NREP: variants seen among roughly 807,000 people sequenced by gnomAD.
NREP encodes neuronal regeneration-related protein.
NREP carries 5 observed loss-of-function variants against 8.6 expected under a neutral mutation model. The ratio of observed to expected loss-of-function variants is 0.58; its 90% CI spans 0.30 to 1.22. The LOEUF (loss-of-function observed/expected upper bound fraction) is 1.22. NREP is among the 50% of genes most tolerant of loss of function. NREP has a pLI of 0.07. For missense variants in NREP, 86 were observed against 82.5 expected, an observed-to-expected ratio of 1.04 and a Z score of -0.17; for synonymous variants, 27 against 28.0, an observed-to-expected ratio of 0.96 and a Z score of 0.11.
chr5:111,930,090 C>T lies in NREP; in HGVS notation c.135+45184G>A, dbSNP rs1581228086. On this transcript the variant is annotated intron_variant, in intron 2 of 3. Transcript: ENST00000395634. ...AATGCTGAAATCACCATGAACTGCT[C>T]TCAGGGTCTCAGGAAAAGGGCGAGG... Among the ~76,000 whole-genome samples, 3 of 152,260 alleles carry T rather than the reference C, an allele frequency of 2.0e-5. No individual in the cohort carries two copies. In the South Asian group the frequency reaches 6.2e-4, roughly 32 times the overall value.
At chr5:111,774,709 C>A (rs889305035) in intron 2 of NREP, among the ~76,000 whole-genome samples, 3 of 152,160 alleles carry the variant, frequency 2.0e-5, no homozygotes, top group Non-Finnish European at 4.4e-5. Context: ...CCGCAAGGAA[C>A]TGAATTCTGC....
upstream of NREP, chr5:111,757,848 G>A: frequency 2.1e-6 from 2 of 973,326 alleles, no homozygotes; most frequent in South Asian, 9.5e-5. Context: ...GCGGTTTGGG[G>A]GCGCGCCAAG....
intron 2 of NREP, among the ~76,000 whole-genome samples, chr5:111,745,267 T>C (rs924830039): frequency 6.6e-6 from 1 of 152,148 alleles, no homozygotes; most frequent in African/African-American, 2.4e-5. Context: ...TGAGGGAGAA[T>C]AGTCAGGGAA....
At chr5:111,934,919 T>G (rs1246808446) in intron 2 of NREP, among the ~76,000 whole-genome samples, 1 of 151,302 alleles carries the variant, frequency 6.6e-6, no homozygotes, top group African/African-American at 2.4e-5. Context: ...GATGCTGCTT[T>G]GCCTATGGGA....
At chr5:111,903,652 G>A (rs1273801991) in intron 2 of NREP, among the ~76,000 whole-genome samples, 1 of 152,022 alleles carries the variant, frequency 6.6e-6, no homozygotes, top group East Asian at 1.9e-4. Flanking sequence ...GATGGTAATT[G>A]TTCCAGAGAC....
intron 2 of NREP, among the ~76,000 whole-genome samples, chr5:111,779,142 C>T (rs1044820687): frequency 3.3e-5 from 5 of 152,022 alleles, no homozygotes; most frequent in Admixed American, 2.6e-4. Context: ...TTCTCCCATC[C>T]CATGTAGAAT....
chr5:111,909,712 T>G (rs1189320876), intron 2 of NREP, among the ~76,000 whole-genome samples: 1 of 152,090 alleles, frequency 6.6e-6, no homozygotes, highest in African/African-American at 2.4e-5. Flanking sequence ...GACATGAAAT[T>G]TATTCCACCT....
chr5:111,908,220 G>C (rs1362923183), intron 2 of NREP, among the ~76,000 whole-genome samples: 1 of 151,820 alleles, frequency 6.6e-6, no homozygotes, highest in African/African-American at 2.4e-5. Context: ...AATGCTAATA[G>C]AATAAAAAAA....
At chr5:111,734,734 C>G in intron 3 of NREP, 1 of 700,114 alleles carries the variant, frequency 1.4e-6, no homozygotes, top group Non-Finnish European at 2.6e-6. Context: ...TTCTGTTTTT[C>G]TTTCTTAACT....
At chr5:111,758,215 GCGTGCACACACACA>G (rs1450492827), upstream of NREP, 1 of 985,526 alleles carries the variant, frequency 1.0e-6, no homozygotes, top group Non-Finnish European at 1.2e-6. Flanking sequence ...CTGTGGCTGC[GCGTGCACACACACA>G]CGTGCACACA....
intron 2 of NREP, among the ~76,000 whole-genome samples, chr5:111,770,463 T>C (rs1028532633): frequency 6.6e-6 from 1 of 152,054 alleles, no homozygotes; most frequent in African/African-American, 2.4e-5. Flanking sequence ...TAGCTCAAGC[T>C]TGATTTAGTA....
intron 2 of NREP, among the ~76,000 whole-genome samples, chr5:111,909,877 T>C (rs1754866775): frequency 1.3e-5 from 2 of 152,102 alleles, no homozygotes; most frequent in Non-Finnish European, 2.9e-5. Context: ...TGCTCTGCTG[T>C]CGCTGCATTA....
At chr5:111,735,400 T>C (rs928207111) in intron 3 of NREP, 30 bp downstream of exon 3, 1 of 1,416,138 alleles carries the variant, frequency 7.1e-7, no homozygotes, top group Non-Finnish European at 1.0e-6. Context: ...TTGAAAATAG[T>C]GTTAACAATA....
chr5:111,892,712 G>C (rs559680634), intron 2 of NREP, among the ~76,000 whole-genome samples: 2 of 152,114 alleles, frequency 1.3e-5, no homozygotes, highest in African/African-American at 2.4e-5. Flanking sequence ...ATAATTAAAA[G>C]AGTGACTTTC....
chr5:111,839,430 C>G (rs374733243), intron 2 of NREP, among the ~76,000 whole-genome samples: 2 of 152,068 alleles, frequency 1.3e-5, no homozygotes, highest in South Asian at 2.1e-4. Flanking sequence ...AATGCTGACT[C>G]TGAAATCAGC....
intron 2 of NREP, among the ~76,000 whole-genome samples, chr5:111,919,873 A>AGAG (rs1755178425): frequency 2.7e-5 from 2 of 74,092 alleles, no homozygotes; most frequent in African/African-American, 9.5e-5. Context: ...AAGAGAGAGA[A>AGAG]AGAAAGAAAG....
At chr5:111,756,296 T>TAAAAAA in intron 1 of NREP, 6 of 237,966 alleles carry the variant, frequency 2.5e-5, no homozygotes, top group Non-Finnish European at 3.1e-5. Flanking sequence ...CTTCCGTGTT[T>TAAAAAA]AAAAAAAAAA....
intron 1 of NREP, chr5:111,756,320 C>CCCGG: frequency 9.8e-5 from 3 of 30,648 alleles, no homozygotes; most frequent in Non-Finnish European, 1.8e-4. Context: ...AAACCCTACA[C>CCCGG]GGCGGGGGGG....
intron 2 of NREP, among the ~76,000 whole-genome samples, chr5:111,832,999 G>A (rs193074001): frequency 6.6e-5 from 10 of 152,296 alleles, no homozygotes; most frequent in Admixed American, 6.5e-5. Context: ...TGTAGCTCCC[G>A]CCAGGCAGGC....
Sources: gnomAD v4.1 joint callset for allele counts (sites outside exome capture counted in the v4.1 genomes callset) on GRCh38, gnomAD v4.1.1 for gene constraint, MANE v1.5 for transcripts, NCBI Gene and HGNC (gene_info 2026-07-23, HGNC 2026-07-21) for gene names.